SLIT2: variants seen among roughly 807,000 people sequenced by gnomAD.
SLIT2 encodes the protein slit guidance ligand 2, also known as slit homolog 2 protein.
A neutral mutation model predicts 185.7 loss-of-function variants in SLIT2; 41 were observed. That is an observed-to-expected ratio of 0.22 (90% CI 0.17 to 0.29). The LOEUF is 0.29. Among genes scored for constraint, SLIT2 ranks in the 10% least tolerant of loss-of-function variants. The probability of loss-of-function intolerance (pLI) is 1.00; values close to 1 mark genes in which losing one functional copy is unlikely to be tolerated. For missense variants in SLIT2, 1,571 were observed against 1,909.0 expected, an observed-to-expected ratio of 0.82 and a Z score of 3.30; for synonymous variants, 693 against 680.2, an observed-to-expected ratio of 1.02 and a Z score of -0.29.
chr4:20,498,963 AT>A, intron 9 of SLIT2, among the ~76,000 whole-genome samples: 1 of 152,256 alleles, frequency 6.6e-6, no homozygotes, highest in South Asian at 2.1e-4. Flanking sequence ...TAATAGTTTT[AT>A]TTTTTGTTCT....
chr4:20,319,930 G>A (rs1718918041), intron 4 of SLIT2, among the ~76,000 whole-genome samples: 1 of 152,086 alleles, frequency 6.6e-6, no homozygotes, highest in Admixed American at 6.6e-5. Context: ...CTCTCAGCAA[G>A]AAAAAGCATG....
At chr4:20,285,709 A>C (rs558788517) in intron 4 of SLIT2, among the ~76,000 whole-genome samples, 13 of 152,182 alleles carry the variant, frequency 8.5e-5, no homozygotes, top group African/African-American at 2.9e-4. Flanking sequence ...CACCACGCCC[A>C]GCTAATTTTT....
chr4:20,420,783 T>C (rs925604802), intron 4 of SLIT2, among the ~76,000 whole-genome samples: 3 of 152,000 alleles, frequency 2.0e-5, no homozygotes, highest in Non-Finnish European at 2.9e-5. Context: ...TTGATTTAGA[T>C]GAGGTAATGG....
At chr4:20,334,610 A>G (rs187367427) in intron 4 of SLIT2, among the ~76,000 whole-genome samples, 33 of 152,266 alleles carry the variant, frequency 2.2e-4, no homozygotes, top group East Asian at 1.2e-3. Flanking sequence ...TGTCTGCAAA[A>G]TATCACCTTC....
chr4:20,454,910 C>G (rs1422321309), intron 4 of SLIT2, among the ~76,000 whole-genome samples: 2 of 152,006 alleles, frequency 1.3e-5, no homozygotes, highest in Admixed American at 6.6e-5. Flanking sequence ...TACATTCTAC[C>G]TTTTAAAAAT....
chr4:20,618,854 C>T lies in SLIT2; in HGVS notation c.4435C>T (p.Arg1479Ter), dbSNP rs1729878212. The change falls in exon 37 of 37, where the codon CGA becomes TGA. Residue 1479 changes from arginine to a stop codon, truncating the protein, a stop_gained. Transcript: ENST00000504154. LOFTEE classifies it high-confidence loss of function. ...AACQTTKKVS[R>*]LECRGGCAGG... ...TTGCCAAACAACCAAGAAGGTGTCC[C>T]GATTAGAGTGCAGAGGTGGGTGTGC... The T allele has an allele frequency of 1.2e-6, 2 of 1,613,988 alleles. No homozygotes were observed. Among genetic ancestry groups the T allele is most frequent in the Non-Finnish European group, 8.5e-7 (1 of 1,180,012 alleles).
intron 9 of SLIT2, among the ~76,000 whole-genome samples, chr4:20,495,157 G>T (rs1284072866): frequency 6.6e-6 from 1 of 152,190 alleles, no homozygotes; most frequent in East Asian, 1.9e-4. Context: ...AAGAAAAGAA[G>T]TATTGATTAA....
At chr4:20,290,004 C>T (rs149502027) in intron 4 of SLIT2, among the ~76,000 whole-genome samples, 220 of 152,322 alleles carry the variant, frequency 1.4e-3, no homozygotes, top group African/African-American at 4.8e-3. Flanking sequence ...CCCTCTACAC[C>T]GCCACAGGGT....
chr4:20,494,268 A>G (rs1481355847), intron 9 of SLIT2, among the ~76,000 whole-genome samples: 1 of 152,230 alleles, frequency 6.6e-6, no homozygotes, highest in Non-Finnish European at 1.5e-5. Flanking sequence ...GATAGCAAAC[A>G]TAGTAGCAGA....
rs1341020045 is a variant in SLIT2 at position 20,484,418 on chromosome 4, C to T, written c.540-1782C>T. Among the ~76,000 whole-genome samples, 3 of 152,126 alleles carry T rather than the reference C, an allele frequency of 2.0e-5. No individual in the cohort carries two copies. Among genetic ancestry groups the T allele is most frequent in the African/African-American group, 4.8e-5 (2 of 41,456 alleles). The stretch of plus-strand genomic sequence containing the variant: ...CTTAGGTAAACTGAGCCAACAAATC[C>T]AGTGCTCTGTAGGTCCCCCATAAAG... On this transcript the variant is annotated intron_variant, in intron 6 of 36. Transcript: ENST00000504154. The surrounding 1 kb of genome is among the most constrained non-coding windows in gnomAD (Gnocchi z 4.3).
At chr4:20,390,123 T>G (rs1725298170) in intron 4 of SLIT2, among the ~76,000 whole-genome samples, 1 of 152,082 alleles carries the variant, frequency 6.6e-6, no homozygotes, top group Non-Finnish European at 1.5e-5. Context: ...AACTCCAATA[T>G]ATTTCTCTGC....
chr4:20,510,992 C>T (rs892866727), intron 10 of SLIT2, 74 bp from the exon 11 acceptor site: 4 of 899,982 alleles, frequency 4.4e-6, no homozygotes. Flanking sequence ...ATTTAAAAGC[C>T]ATACATAGCT....
chr4:20,453,695 C>T (rs1316001956), intron 4 of SLIT2, among the ~76,000 whole-genome samples: 1 of 152,138 alleles, frequency 6.6e-6, no homozygotes, highest in African/African-American at 2.4e-5. Context: ...AGGCCCAGTC[C>T]TCAAGTTATC....
chr4:20,419,079 T>C (rs1727947547), intron 4 of SLIT2, among the ~76,000 whole-genome samples: 1 of 152,202 alleles, frequency 6.6e-6, no homozygotes, highest in East Asian at 1.9e-4. Context: ...ACAATGTTGC[T>C]CCACCTTGTA....
In SLIT2 at chr4:20,439,448, T is replaced by A. The variant is rs541443734; in HGVS notation, c.396-28304T>A. Among the ~76,000 whole-genome samples, 6 of 152,316 alleles carry A rather than the reference T, an allele frequency of 3.9e-5. No homozygotes were observed. The South Asian group carries it at 1.2e-3, about 32-fold the overall frequency. On this transcript the variant is annotated intron_variant, in intron 4 of 36. Coordinates refer to ENST00000504154, the MANE Select transcript of SLIT2 (RefSeq NM_004787.4). The stretch of plus-strand genomic sequence containing the variant: ...GTTTGCCAGCAATCTGTGGTCTTCC[T>A]TGGCTCATAGAAAAATAATTTCAAT...
chr4:20,510,304 C>G (rs1472554436), intron 9 of SLIT2, among the ~76,000 whole-genome samples, 191 bp from the exon 10 acceptor site: 1 of 152,014 alleles, frequency 6.6e-6, no homozygotes, highest in East Asian at 1.9e-4. Context: ...TTTATAATTG[C>G]TTAGTTTTTA....
At chr4:20,532,130 A>G in intron 17 of SLIT2, 72 bp downstream of exon 17, 1 of 791,626 alleles carries the variant, frequency 1.3e-6, no homozygotes, top group Non-Finnish European at 2.0e-6. Flanking sequence ...TAAGTTTCTT[A>G]GAAAATTAGA....
In SLIT2 at chr4:20,254,527, G is replaced by A. The variant is rs1463542392; in HGVS notation, c.179+533G>A. Among the ~76,000 whole-genome samples, 1 of 152,094 alleles carries A rather than the reference G, an allele frequency of 6.6e-6. No homozygotes were observed. The highest frequency in any genetic ancestry group is 1.5e-5 in the Non-Finnish European group (1 of 68,004). On this transcript the variant is annotated intron_variant, in intron 1 of 36. Coordinates refer to ENST00000504154, the MANE Select transcript of SLIT2 (RefSeq NM_004787.4). The surrounding 1 kb of genome is among the most constrained non-coding windows in gnomAD (Gnocchi z 5.1). ...GGAAGAAGGGGTCATGGAGTGCCTG[G>A]GGGTGCTTCTCACAGGTCGCGGGGA...
intron 4 of SLIT2, among the ~76,000 whole-genome samples, chr4:20,324,469 C>T (rs145855047): frequency 5.3e-5 from 8 of 152,144 alleles, no homozygotes; most frequent in African/African-American, 9.6e-5. Flanking sequence ...CTTAAAGTAA[C>T]GGAATGATGT....
Sources: gnomAD v4.1 joint callset for allele counts (sites outside exome capture counted in the v4.1 genomes callset) on GRCh38, gnomAD v4.1.1 for gene constraint, Gnocchi (gnomAD v3.1) non-coding constraint, MANE v1.5 for transcripts, NCBI Gene and HGNC (gene_info 2026-07-23, HGNC 2026-07-21) for gene names.